WWOX: variants seen among roughly 807,000 people sequenced by gnomAD.
WWOX encodes WW domain containing oxidoreductase.
A neutral mutation model predicts 46.2 loss-of-function variants in WWOX; 69 were observed. The observed-to-expected ratio is 1.49, with a 90% CI of 1.23 to 1.82. The LOEUF (loss-of-function observed/expected upper bound fraction) is 1.82. Ranked by LOEUF, WWOX falls within the 40% of genes most tolerant of loss-of-function variation. The probability of loss-of-function intolerance (pLI) is 0.00; values close to 1 mark genes in which losing one functional copy is unlikely to be tolerated. For missense variants in WWOX, 919 were observed against 542.6 expected (o/e 1.69, Z -6.89); for synonymous variants, 359 against 202.6 (o/e 1.77, Z -6.56).
intron 8 of WWOX, among the ~76,000 whole-genome samples, chr16:78,454,078 A>T (rs2083753864): frequency 1.3e-5 from 2 of 152,190 alleles, no homozygotes; most frequent in Non-Finnish European, 2.9e-5. Flanking sequence ...TTATTAACTA[A>T]TACCCAAGAA....
chr16:78,402,198 C>T (rs1208948023), intron 6 of WWOX, among the ~76,000 whole-genome samples: 3 of 152,162 alleles, frequency 2.0e-5, no homozygotes, highest in African/African-American at 4.8e-5. Flanking sequence ...ACCTGTTTGC[C>T]TATTCTGGAC....
intron 8 of WWOX, among the ~76,000 whole-genome samples, chr16:78,595,185 C>T (rs2045458618): frequency 6.6e-6 from 1 of 152,226 alleles, no homozygotes; most frequent in East Asian, 1.9e-4. Flanking sequence ...TTGCAGGCAG[C>T]TGCTGCTGAA....
intron 8 of WWOX, chr16:78,525,918 T>C (rs564459002): frequency 2.0e-5 from 3 of 151,970 alleles, no homozygotes; most frequent in Non-Finnish European, 2.9e-5. Context: ...ACGGGAGATA[T>C]AAAAATCATA....
At chr16:79,136,237 T>C (rs1027099131) in intron 8 of WWOX, among the ~76,000 whole-genome samples, 4 of 150,904 alleles carry the variant, frequency 2.7e-5, no homozygotes, top group Non-Finnish European at 4.4e-5. Flanking sequence ...ACTTCTTCTT[T>C]TTTTTTTTTT....
intron 8 of WWOX, among the ~76,000 whole-genome samples, chr16:78,769,279 A>C (rs2050002783): frequency 6.6e-6 from 1 of 152,112 alleles, no homozygotes; most frequent in Admixed American, 6.6e-5. Flanking sequence ...GGGAGTCACC[A>C]TCGTCCATCC....
intron 8 of WWOX, among the ~76,000 whole-genome samples, chr16:78,638,754 T>C (rs1231013316): frequency 6.6e-6 from 1 of 152,198 alleles, no homozygotes; most frequent in Non-Finnish European, 1.5e-5. Flanking sequence ...GCTCTCTCTC[T>C]CTGGGTTGGG....
intron 8 of WWOX, among the ~76,000 whole-genome samples, chr16:78,917,726 A>C (rs866024616): frequency 6.6e-6 from 1 of 152,060 alleles, no homozygotes; most frequent in African/African-American, 2.4e-5. Flanking sequence ...TGTTTTTGGT[A>C]GTGCCTCCAG....
chr16:79,134,919 C>T (rs2150703925), intron 8 of WWOX, among the ~76,000 whole-genome samples: 1 of 152,228 alleles, frequency 6.6e-6, no homozygotes, highest in Middle Eastern at 3.4e-3. Context: ...GAGTGAATGC[C>T]ACCAATAATG....
chr16:78,922,169 G>A (rs1009769052), intron 8 of WWOX, among the ~76,000 whole-genome samples: 2 of 152,028 alleles, frequency 1.3e-5, no homozygotes, highest in African/African-American at 2.4e-5. Context: ...TTTGATCTCA[G>A]CCTCCAAGTC....
At chr16:78,452,795 T>C (rs1189157134) in intron 8 of WWOX, among the ~76,000 whole-genome samples, 1 of 151,218 alleles carries the variant, frequency 6.6e-6, no homozygotes, top group Non-Finnish European at 1.5e-5. Context: ...TACGTATTTA[T>C]GTCTTTCGAT....
chr16:78,111,082 T>C (rs1037770101), intron 3 of WWOX, among the ~76,000 whole-genome samples: 4 of 151,112 alleles, frequency 2.6e-5, no homozygotes. Flanking sequence ...CATTTAGGGG[T>C]CGGGCCAGCC....
Position 78,784,735 on chromosome 16 carries a change from C to T in WWOX, c.1056+351983C>T, listed in dbSNP as rs545964405. 2.6e-5 allele frequency among the ~76,000 whole-genome samples: 4 copies of T among 152,236 alleles called. No homozygotes were observed. The East Asian group carries it at 7.7e-4, about 29-fold the overall frequency. ...TCAGGTGGTTGATGAGTTGGGGAGCCTGGTGGGCAGTCTGGAAGAGAGCAC... is the reference window on the plus strand; with the variant it reads ...TCAGGTGGTTGATGAGTTGGGGAGCTTGGTGGGCAGTCTGGAAGAGAGCAC... On this transcript the variant is annotated intron_variant, in intron 8 of 8. Coordinates refer to ENST00000566780, the MANE Select transcript of WWOX (RefSeq NM_016373.4).
chr16:79,153,760 G>T (rs1022330984), intron 8 of WWOX, among the ~76,000 whole-genome samples: 5 of 151,990 alleles, frequency 3.3e-5, no homozygotes, highest in African/African-American at 9.7e-5. Context: ...TTTTGGGGGG[G>T]GTTTTTTGTT....
At chr16:78,100,574 C>G (rs2031708071) in intron 1 of WWOX, among the ~76,000 whole-genome samples, 1 of 152,192 alleles carries the variant, frequency 6.6e-6, no homozygotes, top group Non-Finnish European at 1.5e-5. Flanking sequence ...AGTAGCAGTC[C>G]TAGATAGCTT....
chr16:79,083,964 T>G (rs930112967), intron 8 of WWOX, among the ~76,000 whole-genome samples: 1 of 152,222 alleles, frequency 6.6e-6, no homozygotes, highest in Non-Finnish European at 1.5e-5. Flanking sequence ...AATTTCTGAC[T>G]CCCGATCGGA....
At chr16:78,126,543 GA>G (rs1392036706) in intron 4 of WWOX, among the ~76,000 whole-genome samples, 3 of 152,008 alleles carry the variant, frequency 2.0e-5, no homozygotes, top group African/African-American at 7.3e-5. Context: ...ATTACTAATT[GA>G]TTGCTTGCCT....
Position 78,355,508 on chromosome 16 carries a change from C to T in WWOX, c.517-31352C>T, listed in dbSNP as rs1052496580. The T allele has an allele frequency of 3.5e-5, 13 of 367,112 alleles. No homozygotes were observed. In the East Asian group the frequency reaches 4.2e-4, roughly 12 times the overall value. The allele number at this position is 367,112 out of a possible 1,614,324, so 22.7% of individuals were successfully genotyped here. A position where few individuals can be genotyped will look rare whatever the true frequency, so the allele number is the denominator to read the frequency against. The stretch of plus-strand genomic sequence containing the variant: ...TCCCAGCTACTCGGGAGGCTGAGAC[C>T]GAAGAATTACTTGATGAAACATGGC... On this transcript the variant is annotated intron_variant, in intron 5 of 8. Coordinates refer to ENST00000566780, the MANE Select transcript of WWOX (RefSeq NM_016373.4).
chr16:78,836,852 C>A (rs1023043299), intron 8 of WWOX, among the ~76,000 whole-genome samples: 3 of 152,122 alleles, frequency 2.0e-5, no homozygotes, highest in Admixed American at 2.0e-4. Flanking sequence ...AACAGAATCT[C>A]TTAGCATAGG....
At chr16:78,698,044 T>C (rs767211070) in intron 8 of WWOX, among the ~76,000 whole-genome samples, 1 of 152,208 alleles carries the variant, frequency 6.6e-6, no homozygotes, top group Non-Finnish European at 1.5e-5. Flanking sequence ...GCTTATAAAT[T>C]ATAAATGCTA....
Sources: gnomAD v4.1 joint callset for allele counts (sites outside exome capture counted in the v4.1 genomes callset) on GRCh38, gnomAD v4.1.1 for gene constraint, MANE v1.5 for transcripts, NCBI Gene and HGNC (gene_info 2026-07-23, HGNC 2026-07-21) for gene names.